Variants in TET2 observed in about 807,000 individuals in gnomAD.
TET2 encodes the protein methylcytosine dioxygenase TET2.
Under a neutral mutation model 142.9 loss-of-function variants are expected in TET2, and 299 were observed. That is an observed-to-expected ratio of 2.09 (90% CI 1.90 to 2.30). The LOEUF is 2.30. Ranked by LOEUF, TET2 falls within the 30% of genes most tolerant of loss-of-function variation. The probability of loss-of-function intolerance (pLI) is 0.00; values close to 1 mark genes in which losing one functional copy is unlikely to be tolerated. For missense variants in TET2, 2,418 were observed against 2,378.0 expected (o/e 1.02, Z -0.35); for synonymous variants, 819 against 849.0 (o/e 0.96, Z 0.61).
chr4:105,153,052 G>T (rs1560708797), intron 1 of TET2, among the ~76,000 whole-genome samples: 1 of 152,082 alleles, frequency 6.6e-6, no homozygotes, highest in African/African-American at 2.4e-5. Flanking sequence ...AAAGTGAATG[G>T]TTTTTAGTAA....
rs2110255280 is a variant in TET2, at chr4:105,243,682, T to A, written c.3707T>A (p.Ile1236Asn). The A allele has an allele frequency of 6.4e-7, 1 of 1,551,486 alleles. No individual in the cohort carries two copies. The highest frequency in any genetic ancestry group is 8.7e-7 in the Non-Finnish European group (1 of 1,146,922). The change falls in exon 6 of 11, where the codon ATC (isoleucine) becomes AAC (asparagine). Residue 1236 changes from isoleucine to asparagine, a missense_variant. Coordinates refer to ENST00000380013, the MANE Select transcript of TET2 (RefSeq NM_001127208.3). ...ATTCTCATCCTGGTGTGGGAAGGAA[T>A]CCCGCTGTCTCTGGCTGACAAACTC... ...IVILILVWEG[I>N]PLSLADKLYS...
rs777692532 is a variant in TET2, at chr4:105,275,057, G to A, written c.4547G>A (p.Arg1516Gln). ...CTTACCCTGTCCACAGAACTTTTGCGACTTTCAGGACCAGTCATGCAGCAG... is the reference window on the plus strand; with the variant it reads ...CTTACCCTGTCCACAGAACTTTTGCAACTTTCAGGACCAGTCATGCAGCAG... ...SQAKQLAELL[R>Q]LSGPVMQQSQ... Residue 1516 changes from arginine to glutamine, a missense_variant, in exon 11 of 11, where the codon CGA becomes CAA. Transcript: ENST00000380013. 6.5e-6 allele frequency: 10 copies of A among 1,526,760 alleles called. No homozygotes were observed. Among genetic ancestry groups the A allele is most frequent in the African/African-American group, 5.6e-5 (4 of 72,024 alleles). The allele number at this position is 1,526,760 out of a possible 1,614,324, so 94.6% of individuals were successfully genotyped here.
At chr4:105,174,712 T>G (rs531952727) in intron 1 of TET2, among the ~76,000 whole-genome samples, 9 of 152,332 alleles carry the variant, frequency 5.9e-5, no homozygotes, top group African/African-American at 2.2e-4. Flanking sequence ...GCCTGTACTT[T>G]TGTGAGTTTA....
At chr4:105,270,674 TTATATATA>T (rs3055846) in intron 9 of TET2, among the ~76,000 whole-genome samples, 64,920 of 149,352 alleles carry the variant, frequency 0.43, 14,739 homozygotes, top group Non-Finnish European at 0.53. Flanking sequence ...TAGATACATG[TTATATATA>T]TATATATATA....
At chr4:105,230,627 T>G (rs891837613) in intron 2 of TET2, among the ~76,000 whole-genome samples, 1 of 152,240 alleles carries the variant, frequency 6.6e-6, no homozygotes, top group Non-Finnish European at 1.5e-5. Context: ...GCCATTCACA[T>G]TTCATTTTCT....
intron 2 of TET2, among the ~76,000 whole-genome samples, chr4:105,227,752 T>A (rs1488895537): frequency 6.6e-6 from 1 of 152,184 alleles, no homozygotes; most frequent in Non-Finnish European, 1.5e-5. Context: ...CAAAAATTTA[T>A]ATTTATCTGA....
At chr4:105,218,436 C>T (rs899844181) in intron 2 of TET2, among the ~76,000 whole-genome samples, 1 of 152,070 alleles carries the variant, frequency 6.6e-6, no homozygotes, top group African/African-American at 2.4e-5. Context: ...CCGTTTCGTT[C>T]TTTTAGCTTG....
In TET2 at chr4:105,263,564, T is replaced by A. The variant is rs73838067; in HGVS notation, c.4044+1716T>A. Among the ~76,000 whole-genome samples, 253 of 152,230 alleles carry A rather than the reference T, an allele frequency of 1.7e-3. 1 individual carries two copies. The highest frequency in any genetic ancestry group is 5.8e-3 in the African/African-American group (239 of 41,548). On this transcript the variant is annotated intron_variant, in intron 8 of 10. Transcript: ENST00000380013. Reference sequence around the variant, plus strand: ...ACTAGTATCAGAAATTGGTAAGAAATAGTAAGTTTTGGGATGGGGAGAAGA... The same window carrying A: ...ACTAGTATCAGAAATTGGTAAGAAAAAGTAAGTTTTGGGATGGGGAGAAGA...
At chr4:105,180,523 TATTTACTGC>T (rs1263384276) in intron 1 of TET2, among the ~76,000 whole-genome samples, 1 of 152,344 alleles carries the variant, frequency 6.6e-6, no homozygotes, top group Admixed American at 6.5e-5. Flanking sequence ...TTTCAGAGCT[TATTTACTGC>T]ATTTAGAATC....
chr4:105,190,348 T>C lies in TET2; in HGVS notation c.-192-12T>C. On this transcript the variant is annotated splice_polypyrimidine_tract_variant and intron_variant, in intron 1 of 10. Coordinates refer to ENST00000380013, the MANE Select transcript of TET2 (RefSeq NM_001127208.3). ...TGCTAACTTAAAAATGTTCAAACTCTGTCTTCTCTAGGCTGGCAAACATTC... is the reference window on the plus strand; with the variant it reads ...TGCTAACTTAAAAATGTTCAAACTCCGTCTTCTCTAGGCTGGCAAACATTC... 3 of 644,914 alleles carry C rather than the reference T, an allele frequency of 4.7e-6. No homozygotes were observed. In the East Asian group the frequency reaches 8.1e-5, roughly 18 times the overall value. The allele number at this position is 644,914 out of a possible 1,614,324, so 39.9% of individuals were successfully genotyped here. A position where few individuals can be genotyped will look rare whatever the true frequency, so the allele number is the denominator to read the frequency against.
At position 105,236,646 on chromosome 4, in the gene TET2, A is replaced by G. The variant is rs1728938914; in HGVS notation, c.2704A>G (p.Arg902Gly). 2 of 1,613,996 alleles carry G rather than the reference A, an allele frequency of 1.2e-6. No individual in the cohort carries two copies. Among genetic ancestry groups the G allele is most frequent in the African/African-American group, 1.3e-5 (1 of 74,952 alleles). ...TTCAGTTCTACAGGGATATAAAAATAGAAACCAAGATATGTCTGGTCAACA... is the reference window on the plus strand; with the variant it reads ...TTCAGTTCTACAGGGATATAAAAATGGAAACCAAGATATGTCTGGTCAACA... ...QASVLQGYKN[R>G]NQDMSGQQAA... Residue 902 changes from arginine (R) to glycine (G), a missense_variant, in exon 3 of 11, where the codon AGA (arginine) becomes GGA (glycine). Coordinates refer to ENST00000380013, the MANE Select transcript of TET2 (RefSeq NM_001127208.3).
intron 2 of TET2, among the ~76,000 whole-genome samples, chr4:105,193,012 A>T (rs181836363): frequency 6.6e-6 from 1 of 152,322 alleles, no homozygotes; most frequent in Admixed American, 6.5e-5. Context: ...GAGTGATTTA[A>T]AAAGAATCAC....
intron 1 of TET2, among the ~76,000 whole-genome samples, chr4:105,155,203 A>G (rs148603906): frequency 2.0e-5 from 3 of 152,336 alleles, no homozygotes; most frequent in Non-Finnish European, 4.4e-5. Flanking sequence ...TTAACTGTTT[A>G]TATCTCCACT....
intron 1 of TET2, among the ~76,000 whole-genome samples, chr4:105,183,067 G>T (rs945537224): frequency 6.6e-6 from 1 of 152,078 alleles, no homozygotes; most frequent in African/African-American, 2.4e-5. Context: ...AAATATCTGG[G>T]TTAATGCTAT....
intron 1 of TET2, among the ~76,000 whole-genome samples, chr4:105,151,959 C>T (rs143949836): frequency 6.6e-6 from 1 of 151,930 alleles, no homozygotes; most frequent in Admixed American, 6.6e-5. Context: ...CCAGTAATCC[C>T]AGCTACTCAG....
chr4:105,242,832 A>C lies in TET2; in HGVS notation c.3501-2A>C, dbSNP rs1363938849. On this transcript the variant is annotated splice_acceptor_variant, in intron 4 of 10. Coordinates refer to ENST00000380013, the MANE Select transcript of TET2 (RefSeq NM_001127208.3). LOFTEE classifies it high-confidence loss of function. The stretch of plus-strand genomic sequence containing the variant: ...GTGTGTGTTTCTGTGGGTTTCTTTA[A>C]GGTTTGGACAGAAGGGTAAAGCTAT... 2 of 1,548,116 alleles carry C rather than the reference A, an allele frequency of 1.3e-6. No homozygotes were observed. The highest frequency in any genetic ancestry group is 1.4e-5 in the African/African-American group (1 of 72,842).
At position 105,277,646 on chromosome 4, in the gene TET2, C is replaced by T. The variant is rs1391504552; in HGVS notation, c.*1127C>T. On this transcript the variant is annotated 3_prime_UTR_variant, in exon 11 of 11. Transcript: ENST00000380013. Reference sequence around the variant, plus strand: ...GGGGCTTACTGGATTCAAGGGAATACGTTAGTCCACAAAACATGTTTTCTG... The same window carrying T: ...GGGGCTTACTGGATTCAAGGGAATATGTTAGTCCACAAAACATGTTTTCTG... The T allele has an allele frequency of 1.7e-5, 4 of 228,970 alleles. No individual in the cohort carries two copies. The highest frequency in any genetic ancestry group is 2.6e-5 in the Non-Finnish European group (3 of 115,452). 14.2% of individuals were successfully genotyped at this position (228,970 alleles called of 1,614,324 possible).
chr4:105,268,216 AT>A (rs1329566999), intron 8 of TET2, among the ~76,000 whole-genome samples: 1 of 152,206 alleles, frequency 6.6e-6, no homozygotes, highest in Non-Finnish European at 1.5e-5. Context: ...TAATATATGA[AT>A]TTAGCAAAGT....
At chr4:105,181,998 G>A (rs1725148062) in intron 1 of TET2, among the ~76,000 whole-genome samples, 1 of 151,822 alleles carries the variant, frequency 6.6e-6, no homozygotes, top group South Asian at 2.1e-4. Flanking sequence ...AATATTTTAT[G>A]TAATTTTATG....
Sources: gnomAD v4.1 joint callset for allele counts (sites outside exome capture counted in the v4.1 genomes callset) on GRCh38, gnomAD v4.1.1 for gene constraint, MANE v1.5 for transcripts, NCBI Gene and HGNC (gene_info 2026-07-23, HGNC 2026-07-21) for gene names.